FAM53A: variants seen among roughly 807,000 people sequenced by gnomAD.
FAM53A encodes protein FAM53A.
Under a neutral mutation model 26.6 loss-of-function variants are expected in FAM53A, and 28 were observed. That is an observed-to-expected ratio of 1.05 (90% confidence interval 0.78 to 1.45). The LOEUF is 1.45. Among genes scored for constraint, FAM53A ranks in the 40% most tolerant of loss-of-function variants. The pLI, the probability that FAM53A is intolerant of heterozygous loss-of-function variation, is 0.00. For synonymous variants in FAM53A, 290 were observed against 253.1 expected, an observed-to-expected ratio of 1.15 and a Z score of -1.38; for missense variants, 650 against 575.8, an observed-to-expected ratio of 1.13 and a Z score of -1.32.
the FAM53A span, among the ~76,000 whole-genome samples, chr4:1,590,920 T>C: frequency 0.17 from 23,334 of 140,970 alleles, 2,533 homozygotes; most frequent in Non-Finnish European, 0.24. Flanking sequence ...TTCTCAGTTG[T>C]AGTTTTATAT....
chr4:1,668,809 G>T lies in FAM53A; in HGVS notation c.-68C>A. ...AGTCCTGGAACATCAGACTTGCGAA[G>T]GCCCCAGCATTGCTGGGTCAGCCAA... On this transcript the variant is annotated 5_prime_UTR_variant, in exon 2 of 5. Transcript: ENST00000308132. The T allele has an allele frequency of 6.6e-7, 1 of 1,516,510 alleles. No homozygotes were observed. The highest frequency in any genetic ancestry group is 1.4e-5 in the African/African-American group (1 of 72,962). The allele number at this position is 1,516,510 out of a possible 1,614,324, so 93.9% of individuals were successfully genotyped here. A position where few individuals can be genotyped will look rare whatever the true frequency, so the allele number is the denominator to read the frequency against.
At chr4:1,599,725 T>G in the FAM53A span, among the ~76,000 whole-genome samples, 1 of 151,210 alleles carries the variant, frequency 6.6e-6, no homozygotes, top group South Asian at 2.1e-4. This position sits in a 1 kb window ranked among gnomAD's most constrained non-coding sequence, Gnocchi z 6.1. Context: ...CCCACACTAG[T>G]CAAACACACG....
chr4:1,605,471 A>T, the FAM53A span, among the ~76,000 whole-genome samples: 1 of 152,052 alleles, frequency 6.6e-6, no homozygotes, highest in Non-Finnish European at 1.5e-5. This position sits in a 1 kb window ranked among gnomAD's most constrained non-coding sequence, Gnocchi z 5.7. Flanking sequence ...GTGGAGCCTG[A>T]CTCGGAGTGT....
At chr4:1,619,769 C>T (rs1025864277) in intron 1 of FAM53A, among the ~76,000 whole-genome samples, 5 of 152,308 alleles carry the variant, frequency 3.3e-5, no homozygotes, top group South Asian at 2.1e-4. Context: ...TGGGGGTTCA[C>T]GGCGTCCACA....
chr4:1,652,020 A>G (rs1393103563), intron 4 of FAM53A, among the ~76,000 whole-genome samples: 2 of 79,108 alleles, frequency 2.5e-5, no homozygotes, highest in African/African-American at 7.8e-5. Flanking sequence ...CGTCACACAC[A>G]CACCACACAC....
downstream of FAM53A, among the ~76,000 whole-genome samples, chr4:1,636,052 G>T (rs1333645631): frequency 6.6e-6 from 1 of 151,888 alleles, no homozygotes; most frequent in Middle Eastern, 3.4e-3. Context: ...TTTCACCTTG[G>T]TAGCCAGGAT....
downstream of FAM53A, among the ~76,000 whole-genome samples, chr4:1,617,294 G>A (rs1714845900): frequency 6.6e-6 from 1 of 152,170 alleles, no homozygotes; most frequent in African/African-American, 2.4e-5. Flanking sequence ...TTATTTATCT[G>A]TTGAGCTATT....
At chr4:1,642,605 C>A (rs1247419517) in intron 4 of FAM53A, among the ~76,000 whole-genome samples, 1 of 152,208 alleles carries the variant, frequency 6.6e-6, no homozygotes, top group African/African-American at 2.4e-5. Context: ...GCAGGTGTGT[C>A]CAGCTGGGGC....
chr4:1,579,599 C>A, the FAM53A span, among the ~76,000 whole-genome samples: 1 of 152,220 alleles, frequency 6.6e-6, no homozygotes, highest in Non-Finnish European at 1.5e-5. Flanking sequence ...TCTCTGAGCC[C>A]CCGTTTCCCC....
rs373128003 is a variant in FAM53A at position 1,655,141 on chromosome 4, C to T, written c.719G>A (p.Ser240Asn). The T allele has an allele frequency of 5.4e-5, 86 of 1,587,572 alleles. No homozygotes were observed. The highest frequency in any genetic ancestry group is 6.7e-5 in the Non-Finnish European group (78 of 1,169,172). Reference sequence around the variant, plus strand: ...CGCAGGCGTGGACGTGGGGCTGCTGCTGGCCCAGGGCAGGGGAGTGCCCGC... The same window carrying T: ...CGCAGGCGTGGACGTGGGGCTGCTGTTGGCCCAGGGCAGGGGAGTGCCCGC... Reference protein sequence around the residue: ...AGAGTPLPWASSSPTSTPALG... With the variant: ...AGAGTPLPWANSSPTSTPALG... Residue 240 changes from serine (S) to asparagine (N), a missense_variant, in exon 4 of 5, where the codon AGC (serine) becomes AAC (asparagine). Transcript: ENST00000308132.
At chr4:1,660,528 G>A (rs1014771778) in intron 2 of FAM53A, among the ~76,000 whole-genome samples, 4 of 151,120 alleles carry the variant, frequency 2.6e-5, no homozygotes, top group Non-Finnish European at 5.9e-5. Context: ...GGCCAAGGCT[G>A]CAGCGAACGA....
the FAM53A span, among the ~76,000 whole-genome samples, chr4:1,611,177 T>C: frequency 6.6e-6 from 1 of 152,120 alleles, no homozygotes; most frequent in Non-Finnish European, 1.5e-5. Flanking sequence ...CAGTGGGCGG[T>C]GTCCCTCATT....
At chr4:1,602,392 G>C in the FAM53A span, among the ~76,000 whole-genome samples, 2 of 152,224 alleles carry the variant, frequency 1.3e-5, no homozygotes, top group African/African-American at 2.4e-5. Flanking sequence ...GTGGCGACAG[G>C]CTGGGGTCTC....
chr4:1,657,899 A>G (rs933122317), intron 2 of FAM53A, among the ~76,000 whole-genome samples: 4 of 152,156 alleles, frequency 2.6e-5, no homozygotes, highest in South Asian at 4.1e-4. Flanking sequence ...TCAGCCTCCT[A>G]AAGTGCTGGA....
the FAM53A span, among the ~76,000 whole-genome samples, chr4:1,595,047 T>C: frequency 3.9e-5 from 6 of 152,124 alleles, no homozygotes; most frequent in Admixed American, 6.5e-5. Flanking sequence ...AGCTTGCTCA[T>C]CGGGGACCAA....
chr4:1,649,552 C>A (rs994470465), intron 4 of FAM53A, among the ~76,000 whole-genome samples: 8 of 152,268 alleles, frequency 5.3e-5, no homozygotes, highest in African/African-American at 1.7e-4. Context: ...TCACACAGGG[C>A]TCTGTGGGGC....
rs372505090 is a variant in FAM53A at position 1,621,631 on chromosome 4, C to G, written c.432-3520G>C. ...CAGGATTAGCTCCACTGGGTCCTGT[C>G]CCAGGTCACGGAGGCAGTGCCAGCC... On this transcript the variant is annotated intron_variant, in intron 1 of 1. Coordinates refer to the FAM53A transcript ENST00000489029. 1.8e-3 allele frequency among the ~76,000 whole-genome samples: 275 copies of G among 152,298 alleles called. 1 individual carries two copies. The highest frequency in any genetic ancestry group is 6.4e-3 in the African/African-American group (267 of 41,562).
chr4:1,617,235 C>G (rs932171276), downstream of FAM53A, among the ~76,000 whole-genome samples: 1 of 144,168 alleles, frequency 6.9e-6, no homozygotes, highest in Non-Finnish European at 1.5e-5. Flanking sequence ...TTTAACTTAA[C>G]TTTAGCAAAC....
In FAM53A at chr4:1,641,537, T is replaced by C; in HGVS notation, c.953A>G (p.Lys318Arg). The C allele has an allele frequency of 1.2e-6, 2 of 1,614,202 alleles. No individual in the cohort carries two copies. Among genetic ancestry groups the C allele is most frequent in the Admixed American group, 1.7e-5 (1 of 60,016 alleles). Residue 318 changes from lysine (K) to arginine (R), a missense_variant, in exon 5 of 5, where the codon AAG becomes AGG. Lys to Arg is a conservative substitution (Grantham distance 26, BLOSUM62 2). Coordinates refer to ENST00000308132, the MANE Select transcript of FAM53A (RefSeq NM_001174070.3). ...GTCACATGGGGAGGACAGAACCGTC[T>C]TCACTGGGGTGTCATCCTCATCGTC... The part of the protein sequence containing the change: ...EDDDEDDTPV[K>R]TVLSSPCDSR...
Sources: allele counts gnomAD v4.1 joint callset (sites outside exome capture counted in the v4.1 genomes callset), GRCh38; gene constraint gnomAD v4.1.1; non-coding constraint Gnocchi (gnomAD v3.1); transcripts MANE v1.5; gene names NCBI Gene and HGNC (gene_info 2026-07-23, HGNC 2026-07-21).